Variants in SGIP1 observed in about 807,000 individuals in gnomAD.
SGIP1 encodes SH3GL interacting endocytic adaptor 1, also known as SH3-containing GRB2-like protein 3-interacting protein 1.
Under a neutral mutation model 107.5 loss-of-function variants are expected in SGIP1, and 38 were observed. That is an observed-to-expected ratio of 0.35 (90% CI 0.27 to 0.46). The LOEUF is 0.46. Among genes scored for constraint, SGIP1 ranks in the 20% least tolerant of loss-of-function variants. SGIP1 has a pLI of 1.00. For missense variants in SGIP1, 929 were observed against 1,019.5 expected, an observed-to-expected ratio of 0.91 and a Z score of 1.21; for synonymous variants, 365 against 366.1, an observed-to-expected ratio of 1.00 and a Z score of 0.03.
chr1:66,614,809 C>CT (rs10707091), intron 1 of SGIP1, among the ~76,000 whole-genome samples: 6,775 of 59,384 alleles, frequency 0.11, 1,747 homozygotes, highest in African/African-American at 0.24. Flanking sequence ...TTCCAGCTGT[C>CT]TTTTTTTTTT....
chr1:66,634,098 C>CAG (rs775562987), intron 3 of SGIP1: 1 of 1,608,086 alleles, frequency 6.2e-7, no homozygotes, highest in Non-Finnish European at 8.5e-7. Context: ...AAAAAAGACC[C>CAG]AGAAGACTCA....
Position 66,677,075 on chromosome 1 carries a change from A to T in SGIP1, c.718A>T (p.Thr240Ser), listed in dbSNP as rs770290822. The change falls in exon 13 of 25, where the codon ACA becomes TCA. Residue 240 changes from threonine to serine, a missense_variant. Physicochemically the swap from Thr to Ser is moderately conservative, Grantham distance 58. This residue lies in a region of SGIP1 where 588 missense variants were observed against 588.6 expected (regional missense o/e 1.00). Coordinates refer to ENST00000371037, the MANE Select transcript of SGIP1 (RefSeq NM_032291.4). ...TCCAAGCATGGAGTCGCCAAAGTTA[A>T]CAAGGCCTTTTCCCACTGGAAGTAA... The part of the protein sequence containing the change: ...INPSMESPKL[T>S]RPFPTGTPPP... 6.2e-7 allele frequency: 1 copy of T among 1,613,986 alleles called. No homozygotes were observed. Among genetic ancestry groups the T allele is most frequent in the Non-Finnish European group, 8.5e-7 (1 of 1,179,952 alleles).
chr1:66,536,780 C>T (rs77071290), intron 1 of SGIP1, among the ~76,000 whole-genome samples: 1 of 152,010 alleles, frequency 6.6e-6, no homozygotes, highest in Admixed American at 6.6e-5. Context: ...CACACACACA[C>T]AGAGTCATCC....
chr1:66,647,472 C>T (rs1489909784), intron 7 of SGIP1, among the ~76,000 whole-genome samples: 1 of 152,120 alleles, frequency 6.6e-6, no homozygotes, highest in Non-Finnish European at 1.5e-5. Flanking sequence ...GGTTTTATTA[C>T]TAAAAGACAA....
chr1:66,677,006 C>A lies in SGIP1; in HGVS notation c.649C>A (p.Leu217Ile). 6.2e-7 allele frequency: 1 copy of A among 1,605,482 alleles called. No individual in the cohort carries two copies. The highest frequency in any genetic ancestry group is 8.5e-7 in the Non-Finnish European group (1 of 1,177,886). Residue 217 changes from leucine to isoleucine, a missense_variant and splice_region_variant, in exon 13 of 25, where the codon CTT becomes ATT. Leu to Ile is a conservative substitution (Grantham distance 5, BLOSUM62 2). This residue lies in a region of SGIP1 where 588 missense variants were observed against 588.6 expected (regional missense o/e 1.00). Coordinates refer to ENST00000371037, the MANE Select transcript of SGIP1 (RefSeq NM_032291.4). ...SAFDEQKTEV[L>I]LDQPEIWGSG... ...GAAATCTTCTTTTTTGTTTCCAGTT[C>A]TTTTAGATCAGCCTGAGATATGGGG... is the stretch of plus-strand genomic sequence containing the variant.
chr1:66,628,354 G>C (rs571525143), intron 2 of SGIP1: 1 of 154,526 alleles, frequency 6.5e-6, no homozygotes, highest in Non-Finnish European at 1.5e-5. Context: ...ATGGCTTTGG[G>C]AATTACCCTT....
chr1:66,624,781 A>C (rs989746495), intron 1 of SGIP1, among the ~76,000 whole-genome samples: 2 of 152,224 alleles, frequency 1.3e-5, no homozygotes, highest in African/African-American at 4.8e-5. Flanking sequence ...TAAGGTTTGA[A>C]TATATAAACA....
At chr1:66,667,125 A>G (rs908387583) in intron 8 of SGIP1, among the ~76,000 whole-genome samples, 3 of 151,980 alleles carry the variant, frequency 2.0e-5, no homozygotes, top group Admixed American at 6.6e-5. Flanking sequence ...TATTGTCTAT[A>G]TTTGCTAACA....
chr1:66,653,883 G>A (rs1316000757), intron 7 of SGIP1, among the ~76,000 whole-genome samples: 1 of 152,202 alleles, frequency 6.6e-6, no homozygotes, highest in Non-Finnish European at 1.5e-5. Context: ...AGTCAGGGTA[G>A]AATGTGCTCT....
intron 19 of SGIP1, among the ~76,000 whole-genome samples, chr1:66,725,446 T>TC (rs1187977989): frequency 6.6e-6 from 1 of 152,102 alleles, no homozygotes; most frequent in Non-Finnish European, 1.5e-5. Context: ...AACATCAATT[T>TC]CCCCAGAAAG....
At chr1:66,683,272 A>G (rs1444691423) in intron 15 of SGIP1, among the ~76,000 whole-genome samples, 1 of 152,186 alleles carries the variant, frequency 6.6e-6, no homozygotes, top group Non-Finnish European at 1.5e-5. Context: ...CTTCCTGTGC[A>G]TGTGGGTTCA....
At chr1:66,585,386 AG>A (rs1241318995) in intron 1 of SGIP1, among the ~76,000 whole-genome samples, 1 of 152,140 alleles carries the variant, frequency 6.6e-6, no homozygotes, top group Non-Finnish European at 1.5e-5. Context: ...ATGGAGTCTG[AG>A]ACTTTACTTT....
rs745958378 is a variant in SGIP1 at position 66,682,016 on chromosome 1, A to C, written c.962A>C (p.Glu321Ala). Residue 321 changes from glutamate (E) to alanine (A), a missense_variant, in exon 15 of 25, where the codon GAA (glutamate) becomes GCA (alanine). Glu to Ala is a moderately radical substitution (Grantham distance 107). Coordinates refer to ENST00000371037, the MANE Select transcript of SGIP1 (RefSeq NM_032291.4). Reference sequence around the variant, plus strand: ...GTCCATTTTTCTGATACATCCCCGGAACATGTTACTCCGGAGTTGACTCCA... The same window carrying C: ...GTCCATTTTTCTGATACATCCCCGGCACATGTTACTCCGGAGTTGACTCCA... ...KWVHFSDTSP[E>A]HVTPELTPRE... 2 of 1,614,136 alleles carry C rather than the reference A, an allele frequency of 1.2e-6. No individual in the cohort carries two copies. Among genetic ancestry groups the C allele is most frequent in the Non-Finnish European group, 8.5e-7 (1 of 1,180,018 alleles).
At position 66,608,987 on chromosome 1, in the gene SGIP1, TGGTCACTTATATCCCACAGGGATGAA is replaced by T. The variant is rs142719855; in HGVS notation, c.11-16825_11-16800del. 7.2e-5 allele frequency among the ~76,000 whole-genome samples: 10 copies of T among 139,414 alleles called. 1 individual carries two copies. Among genetic ancestry groups the T allele is most frequent in the Middle Eastern group, 3.5e-3 (1 of 284 alleles). The allele number at this position is 139,414 out of a possible 152,430, so 91.5% of individuals were successfully genotyped here. Reference sequence around the variant, plus strand: ...AGTCTTAATTTAAAAGCTCCTGGTTTGGTCACTTATATCCCACAGGGATGAAGGTCACTTATATCCCACAGGGATGA... The same window carrying T: ...AGTCTTAATTTAAAAGCTCCTGGTTTGGTCACTTATATCCCACAGGGATGA... On this transcript the variant is annotated intron_variant, in intron 1 of 24. Coordinates refer to ENST00000371037, the MANE Select transcript of SGIP1 (RefSeq NM_032291.4).
At chr1:66,592,193 G>T (rs1195207720) in intron 1 of SGIP1, among the ~76,000 whole-genome samples, 2 of 152,186 alleles carry the variant, frequency 1.3e-5, no homozygotes, top group African/African-American at 4.8e-5. Context: ...CCATATCTCA[G>T]ACTATCACAT....
chr1:66,632,594 A>G (rs572871421), intron 2 of SGIP1, among the ~76,000 whole-genome samples: 3 of 152,278 alleles, frequency 2.0e-5, no homozygotes, highest in African/African-American at 7.2e-5. Flanking sequence ...TACGCTTTTG[A>G]TTGCGCCTGT....
intron 1 of SGIP1, among the ~76,000 whole-genome samples, chr1:66,564,587 A>T (rs976961745): frequency 1.3e-5 from 2 of 151,908 alleles, no homozygotes; most frequent in African/African-American, 4.8e-5. Flanking sequence ...TCCTCTTTAC[A>T]CTGGTCCACA....
At chr1:66,566,248 C>T (rs2059624249) in intron 1 of SGIP1, among the ~76,000 whole-genome samples, 1 of 151,928 alleles carries the variant, frequency 6.6e-6, no homozygotes, top group African/African-American at 2.4e-5. Flanking sequence ...ATTATAAGAT[C>T]TTTTAAAGAT....
At chr1:66,536,431 G>C (rs1362356306) in intron 1 of SGIP1, among the ~76,000 whole-genome samples, 1 of 152,116 alleles carries the variant, frequency 6.6e-6, no homozygotes, top group Non-Finnish European at 1.5e-5. Flanking sequence ...AGGCAAATAG[G>C]AGTTTAACCA....
Sources: allele counts gnomAD v4.1 joint callset (sites outside exome capture counted in the v4.1 genomes callset), GRCh38; gene constraint gnomAD v4.1.1; regional missense constraint gnomAD v4.1.1; transcripts MANE v1.5; gene names NCBI Gene and HGNC (gene_info 2026-07-23, HGNC 2026-07-21).